The following LRP6 variants were observed in gnomAD, a reference collection of about 807,000 sequenced individuals.
The protein encoded by LRP6 is low-density lipoprotein receptor-related protein 6.
A neutral mutation model predicts 184.1 loss-of-function variants in LRP6; 43 were observed. The ratio of observed to expected loss-of-function variants is 0.23; its 90% CI spans 0.18 to 0.30. The LOEUF is 0.30. Among genes scored for constraint, LRP6 ranks in the 10% least tolerant of loss-of-function variants. LRP6 has a pLI of 1.00. For missense variants in LRP6, 1,571 were observed against 2,005.3 expected (o/e 0.78, Z 4.14); for synonymous variants, 719 against 684.9 (o/e 1.05, Z -0.78).
chr12:12,120,636 C>T lies in LRP6; in HGVS notation c.*490G>A, dbSNP rs1204301718. ...ATTAATTGCATTTTTTTCCTTTCAT[C>T]ATTTCTTACTTGTTGGCCCTCAAAT... On this transcript the variant is annotated 3_prime_UTR_variant, in exon 23 of 23. Transcript: ENST00000261349. 4 of 152,784 alleles carry T rather than the reference C, an allele frequency of 2.6e-5. No homozygotes were observed. The highest frequency in any genetic ancestry group is 7.2e-5 in the African/African-American group (3 of 41,446). The allele number at this position is 152,784 out of a possible 1,614,324, so 9.5% of individuals were successfully genotyped here.
rs375806684 is a variant in LRP6 at position 12,181,120 on chromosome 12, G to A, written c.1296C>T (p.Leu432=). The A allele has an allele frequency of 1.2e-6, 2 of 1,614,096 alleles. No individual in the cohort carries two copies. Among genetic ancestry groups the A allele is most frequent in the Non-Finnish European group, 1.7e-6 (2 of 1,179,990 alleles). The change falls in exon 6 of 23, where the codon CTC becomes CTT. Residue 432 remains leucine, a synonymous_variant. Coordinates refer to ENST00000261349, the MANE Select transcript of LRP6 (RefSeq NM_002336.3). ...TCAAGATCTTCCTCATGGTCCCATT[G>A]AGCCTTGTCACTTCTATTCGATCAG... is the stretch of plus-strand genomic sequence containing the variant. ...TGTDRIEVTR[L]NGTMRKILIS...
At chr12:12,245,577 TATCA>T (rs535624992) in intron 1 of LRP6, among the ~76,000 whole-genome samples, 93 of 152,338 alleles carry the variant, frequency 6.1e-4, no homozygotes, top group Non-Finnish European at 9.6e-4. Context: ...ATTTATTGTC[TATCA>T]ATTATACCTT....
chr12:12,258,113 C>T (rs575258561), intron 1 of LRP6, among the ~76,000 whole-genome samples: 109 of 152,160 alleles, frequency 7.2e-4, no homozygotes, highest in Non-Finnish European at 1.2e-3. Flanking sequence ...CTAATCTATG[C>T]TAAGAAATCT....
intron 1 of LRP6, among the ~76,000 whole-genome samples, chr12:12,254,876 C>A (rs1431230440): frequency 6.6e-6 from 1 of 152,098 alleles, no homozygotes; most frequent in African/African-American, 2.4e-5. Flanking sequence ...CAGGAATTCA[C>A]CCAAATTTAT....
chr12:12,139,102 C>T (rs1029641465), intron 15 of LRP6: 8 of 868,416 alleles, frequency 9.2e-6, no homozygotes, highest in Non-Finnish European at 1.2e-5. Context: ...TGTTCATACC[C>T]CCCACCCTGC....
At chr12:12,233,434 C>T (rs1018842744) in intron 2 of LRP6, among the ~76,000 whole-genome samples, 4 of 152,144 alleles carry the variant, frequency 2.6e-5, no homozygotes, top group African/African-American at 9.7e-5. Flanking sequence ...TGCCACTGCA[C>T]TCCAGCCTGG....
chr12:12,137,300 A>G (rs985541778), intron 16 of LRP6, among the ~76,000 whole-genome samples: 1 of 152,222 alleles, frequency 6.6e-6, no homozygotes, highest in Non-Finnish European at 1.5e-5. Context: ...CTTTTTAAAA[A>G]ACGTTTTGCA....
At chr12:12,255,847 G>T (rs1276676942) in intron 1 of LRP6, among the ~76,000 whole-genome samples, 6 of 152,066 alleles carry the variant, frequency 3.9e-5, no homozygotes, top group Admixed American at 3.3e-4. Context: ...TGGGATTACA[G>T]GTGTGAGCCA....
intron 19 of LRP6, among the ~76,000 whole-genome samples, chr12:12,128,389 TTCC>T (rs1949702386): frequency 6.6e-6 from 1 of 152,222 alleles, no homozygotes; most frequent in South Asian, 2.1e-4. Flanking sequence ...ACCTACTATT[TTCC>T]TCCTCTTCTT....
intron 12 of LRP6, chr12:12,155,270 C>T (rs952063890): frequency 6.6e-5 from 49 of 745,824 alleles, no homozygotes; most frequent in Non-Finnish European, 9.8e-5. Context: ...AAATGATGAA[C>T]ACAAAGGGAA....
intron 12 of LRP6, 111 bp downstream of exon 12, chr12:12,158,718 A>AC: frequency 9.6e-7 from 1 of 1,043,210 alleles, no homozygotes; most frequent in Non-Finnish European, 1.5e-6. Flanking sequence ...CAAACAAATA[A>AC]CCCCCTCTGG....
chr12:12,243,441 TA>T (rs1865112104), intron 2 of LRP6, among the ~76,000 whole-genome samples: 2 of 152,188 alleles, frequency 1.3e-5, no homozygotes, highest in African/African-American at 4.8e-5. Context: ...GTGTATATAA[TA>T]AAAGGTATAA....
intron 10 of LRP6, among the ~76,000 whole-genome samples, chr12:12,160,338 T>C (rs1862709696): frequency 6.6e-6 from 1 of 152,232 alleles, no homozygotes; most frequent in Admixed American, 6.5e-5. Context: ...AGTAAAATAT[T>C]TTTATATACT....
intron 6 of LRP6, among the ~76,000 whole-genome samples, chr12:12,180,336 G>C (rs556487852): frequency 6.2e-4 from 93 of 149,498 alleles, no homozygotes; most frequent in East Asian, 3.9e-4. Flanking sequence ...TGACACAAAA[G>C]GCTTATCCCA....
chr12:12,239,063 T>C (rs367696923), intron 2 of LRP6, among the ~76,000 whole-genome samples: 7 of 152,290 alleles, frequency 4.6e-5, no homozygotes, highest in African/African-American at 1.7e-4. Flanking sequence ...AAGGCCTTGG[T>C]TTCTTCACCC....
At chr12:12,179,072 T>C (rs1036374497) in intron 7 of LRP6, among the ~76,000 whole-genome samples, 28 of 152,200 alleles carry the variant, frequency 1.8e-4, no homozygotes, top group African/African-American at 6.8e-4. Flanking sequence ...ATAAGACCTG[T>C]AGCAAAGTCT....
At chr12:12,251,778 G>A (rs1162518010) in intron 1 of LRP6, among the ~76,000 whole-genome samples, 1 of 152,124 alleles carries the variant, frequency 6.6e-6, no homozygotes, top group Non-Finnish European at 1.5e-5. Flanking sequence ...GCTTAATGCT[G>A]ACTTTATCAT....
intron 2 of LRP6, among the ~76,000 whole-genome samples, chr12:12,229,038 T>G (rs918253087): frequency 2.0e-5 from 3 of 152,182 alleles, no homozygotes; most frequent in South Asian, 4.1e-4. Flanking sequence ...TCTCAAGATC[T>G]GCTAGGATAT....
chr12:12,213,603 G>A (rs1407003518), intron 2 of LRP6, among the ~76,000 whole-genome samples: 2 of 151,600 alleles, frequency 1.3e-5, no homozygotes, highest in African/African-American at 2.4e-5. Context: ...AAACATTCAC[G>A]TTTTCATTTG....
Sources: gnomAD v4.1 joint callset for allele counts (sites outside exome capture counted in the v4.1 genomes callset) on GRCh38, gnomAD v4.1.1 for gene constraint, MANE v1.5 for transcripts, NCBI Gene and HGNC (gene_info 2026-07-23, HGNC 2026-07-21) for gene names.